CERKL: variants seen among roughly 807,000 people sequenced by gnomAD.
CERKL encodes ceramide kinase-like protein.
Under a neutral mutation model 63.4 loss-of-function variants are expected in CERKL, and 61 were observed. That is an observed-to-expected ratio of 0.96 (90% CI 0.78 to 1.19). The LOEUF is 1.19. Among genes scored for constraint, CERKL ranks in the 50% most tolerant of loss-of-function variants. The probability of loss-of-function intolerance (pLI) is 0.00; values close to 1 mark genes in which losing one functional copy is unlikely to be tolerated. For missense variants in CERKL, 675 were observed against 655.5 expected (o/e 1.03, Z -0.33); for synonymous variants, 250 against 230.5 (o/e 1.08, Z -0.77).
chr2:181,604,270 T>C (rs1229659354), intron 1 of CERKL, among the ~76,000 whole-genome samples, 191 bp from the exon 2 acceptor site: 1 of 152,102 alleles, frequency 6.6e-6, no homozygotes, highest in Admixed American at 6.5e-5. Flanking sequence ...CAAATGTACC[T>C]ATATAACAAA....
intron 8 of CERKL, 85 bp from the exon 9 acceptor site, chr2:181,547,932 G>A: frequency 4.6e-6 from 5 of 1,083,944 alleles, no homozygotes; most frequent in Non-Finnish European, 6.7e-6. Context: ...TTAAATATGA[G>A]AAAATTAGAG....
chr2:181,544,908 AAGAT>A (rs1687656798), intron 10 of CERKL, 112 bp from the exon 11 acceptor site: 1 of 600,912 alleles, frequency 1.7e-6, no homozygotes, highest in South Asian at 2.3e-5. Flanking sequence ...AGTATTGGAC[AAGAT>A]AGATAAATCA....
chr2:181,591,364 T>C (rs1006034041), intron 2 of CERKL, among the ~76,000 whole-genome samples: 2 of 151,986 alleles, frequency 1.3e-5, no homozygotes, highest in African/African-American at 2.4e-5. Context: ...ATATTAAATA[T>C]ATATAATGAA....
chr2:181,600,696 C>G (rs921721788), intron 2 of CERKL, among the ~76,000 whole-genome samples: 1 of 152,110 alleles, frequency 6.6e-6, no homozygotes, highest in Admixed American at 6.6e-5. Flanking sequence ...TGTTGGAGCA[C>G]CCAGGTTCAT....
chr2:181,628,092 T>C (rs569564025), intron 1 of CERKL, among the ~76,000 whole-genome samples: 4 of 70,202 alleles, frequency 5.7e-5, no homozygotes, highest in East Asian at 1.1e-3. Context: ...AGAACATTTT[T>C]TTGTGTTAAA....
intron 4 of CERKL, among the ~76,000 whole-genome samples, chr2:181,561,378 C>T (rs1317268048): frequency 6.7e-6 from 1 of 148,330 alleles, no homozygotes; most frequent in Non-Finnish European, 1.5e-5. Context: ...CCACTGCACT[C>T]CAGCCTGGGT....
At chr2:181,582,551 A>ATTTTT (rs1684566719) in intron 2 of CERKL, among the ~76,000 whole-genome samples, 1 of 139,462 alleles carries the variant, frequency 7.2e-6, no homozygotes, top group African/African-American at 2.7e-5. Flanking sequence ...TTTTTTTTTG[A>ATTTTT]GATGGAGTCT....
At chr2:181,592,719 A>C (rs1685039287) in intron 2 of CERKL, among the ~76,000 whole-genome samples, 1 of 152,204 alleles carries the variant, frequency 6.6e-6, no homozygotes, top group Admixed American at 6.5e-5. Flanking sequence ...CCTGAGTTTG[A>C]ATCCCAATTT....
intron 3 of CERKL, among the ~76,000 whole-genome samples, chr2:181,570,555 C>A (rs1688860174): frequency 6.6e-6 from 1 of 152,102 alleles, no homozygotes; most frequent in Non-Finnish European, 1.5e-5. Flanking sequence ...AAAAATAATT[C>A]TTTCCAGGTT....
intron 5 of CERKL, among the ~76,000 whole-genome samples, chr2:181,554,167 A>C (rs1198535236): frequency 3.0e-5 from 2 of 66,482 alleles, no homozygotes; most frequent in Non-Finnish European, 7.1e-5. Context: ...ATGGAGGCAA[A>C]AAAAAAAAAA....
chr2:181,563,676 TCAGG>T (rs1028520882), intron 4 of CERKL, among the ~76,000 whole-genome samples: 1 of 151,852 alleles, frequency 6.6e-6, no homozygotes, highest in African/African-American at 2.4e-5. Context: ...TAGAACAGGT[TCAGG>T]AATAGAAAAC....
chr2:181,538,543 A>C (rs1242053501), intron 12 of CERKL, among the ~76,000 whole-genome samples: 1 of 152,162 alleles, frequency 6.6e-6, no homozygotes, highest in Non-Finnish European at 1.5e-5. Context: ...TGCTTCTTCT[A>C]ACCACTGAGT....
In CERKL at chr2:181,548,738, A is replaced by T. The variant is rs755223434; in HGVS notation, c.1015T>A (p.Trp339Arg). The part of the protein sequence containing the change: ...RTLALAEKYR[W>R]MSPNQRRDFA... ...TCTCTCCGTTGGTTAGGGGACATCCATCGATATTTTTCTGCCAGAGCCAAA... is the reference window on the plus strand; with the variant it reads ...TCTCTCCGTTGGTTAGGGGACATCCTTCGATATTTTTCTGCCAGAGCCAAA... Residue 339 changes from tryptophan to arginine, a missense_variant, in exon 7 of 13, where the codon TGG becomes AGG. Physicochemically the swap from Trp to Arg is moderately radical, Grantham distance 101. Coordinates refer to ENST00000410087, the MANE Select transcript of CERKL (RefSeq NM_201548.5). The T allele has an allele frequency of 1.4e-5, 22 of 1,613,922 alleles. 2 individuals carry two copies. In the South Asian group the frequency reaches 1.6e-4, roughly 12 times the overall value.
intron 4 of CERKL, chr2:181,565,316 G>A (rs562250022): frequency 6.3e-5 from 47 of 748,048 alleles, no homozygotes; most frequent in Non-Finnish European, 7.8e-5. Context: ...ATCTACTCAC[G>A]TAAAAAGAAC....
At chr2:181,626,377 G>A (rs1686705159) in intron 1 of CERKL, among the ~76,000 whole-genome samples, 1 of 151,994 alleles carries the variant, frequency 6.6e-6, no homozygotes, top group Non-Finnish European at 1.5e-5. Context: ...ACAAAAAAGA[G>A]ATCTGAGAAG....
chr2:181,539,045 AT>A, intron 12 of CERKL, 46 bp downstream of exon 12: 1 of 1,278,850 alleles, frequency 7.8e-7, no homozygotes. Flanking sequence ...GTAATATTAG[AT>A]TTATGTTTAC....
At chr2:181,584,563 T>C (rs1684677859) in intron 2 of CERKL, among the ~76,000 whole-genome samples, 2 of 152,068 alleles carry the variant, frequency 1.3e-5, no homozygotes. Flanking sequence ...GACATGTCTC[T>C]GTCAGCCAGT....
chr2:181,573,228 A>G (rs1227537898), intron 3 of CERKL, among the ~76,000 whole-genome samples: 1 of 152,208 alleles, frequency 6.6e-6, no homozygotes, highest in East Asian at 1.9e-4. Flanking sequence ...TTTCCTTGGC[A>G]CAAACCTAAG....
At chr2:181,618,493 G>A (rs867204013) in intron 1 of CERKL, among the ~76,000 whole-genome samples, 50 of 151,152 alleles carry the variant, frequency 3.3e-4, no homozygotes, top group Non-Finnish European at 4.0e-4. Context: ...CTCGGCTCAC[G>A]GCAACCTCCA....
Sources: gnomAD v4.1 joint callset for allele counts (sites outside exome capture counted in the v4.1 genomes callset) on GRCh38, gnomAD v4.1.1 for gene constraint, MANE v1.5 for transcripts, NCBI Gene and HGNC (gene_info 2026-07-23, HGNC 2026-07-21) for gene names.